The following CATSPERG variants were observed in gnomAD, a reference collection of about 807,000 sequenced individuals.
CATSPERG encodes the protein cation channel sperm-associated auxiliary subunit gamma.
In CATSPERG, 115 loss-of-function variants were observed where a neutral mutation model predicts 145.0. The ratio of observed to expected loss-of-function variants is 0.79; its 90% CI spans 0.68 to 0.93. The LOEUF is 0.93. CATSPERG is among the 40% of genes least tolerant of loss of function. The pLI is 0.00. For missense variants in CATSPERG, 1,296 were observed against 1,490.1 expected, an observed-to-expected ratio of 0.87 and a Z score of 2.14; for synonymous variants, 588 against 589.0, an observed-to-expected ratio of 1.00 and a Z score of 0.02.
intron 8 of CATSPERG, 140 bp downstream of exon 8, chr19:38,352,572 C>T (rs1370087843): frequency 4.5e-5 from 35 of 780,600 alleles, no homozygotes; most frequent in Admixed American, 3.5e-4. Context: ...CCCTTGCCCA[C>T]CCCGAATGGG....
chr19:38,361,625 C>T (rs1220733913), intron 16 of CATSPERG, 23 bp from the exon 17 acceptor site: 18 of 1,595,230 alleles, frequency 1.1e-5, no homozygotes, highest in Non-Finnish European at 1.5e-5. Context: ...AGCCAGCAGC[C>T]TTTCCCCCTT....
At chr19:38,338,794 A>T (rs1034163720) in intron 3 of CATSPERG, among the ~76,000 whole-genome samples, 44 of 152,036 alleles carry the variant, frequency 2.9e-4, no homozygotes. Flanking sequence ...TAATGAGCCT[A>T]GGAGGTTGAG....
rs777596972 is a variant in CATSPERG, at chr19:38,360,718, CTT to C, written c.1768-12_1768-11del. Reference sequence around the variant, plus strand: ...CTGACCCCAGCTCACCTGGCCCTGCCTTCCCCCTGCAGCTGGTGTACCTTATG... The same window carrying C: ...CTGACCCCAGCTCACCTGGCCCTGCCCCCCCTGCAGCTGGTGTACCTTATG... On this transcript the variant is annotated splice_polypyrimidine_tract_variant and intron_variant, in intron 15 of 28. Coordinates refer to ENST00000409235, the MANE Select transcript of CATSPERG (RefSeq NM_021185.5). 2 of 1,614,020 alleles carry C rather than the reference CTT, an allele frequency of 1.2e-6. No individual in the cohort carries two copies. Among genetic ancestry groups the C allele is most frequent in the Non-Finnish European group, 1.7e-6 (2 of 1,179,964 alleles).
intron 8 of CATSPERG, among the ~76,000 whole-genome samples, chr19:38,353,986 G>GCCA: frequency 1.1e-5 from 1 of 89,620 alleles, no homozygotes; most frequent in East Asian, 4.2e-4. Flanking sequence ...GTAAGACTCT[G>GCCA]TCTCAAAAAA....
In CATSPERG at chr19:38,356,804, G is replaced by A; in HGVS notation, c.1258G>A (p.Val420Met). 6.2e-7 allele frequency: 1 copy of A among 1,614,094 alleles called. No homozygotes were observed. The highest frequency in any genetic ancestry group is 1.1e-5 in the South Asian group (1 of 91,084). The part of the protein sequence containing the change: ...IAGEYTLLLL[V>M]ESGYGNASKR... ...GGGTGAGTATACTCTACTGCTGCTG[G>A]TGGAGAGTGGATATGGTAATGCAAG... is the stretch of plus-strand genomic sequence containing the variant. The change falls in exon 11 of 29, where the codon GTG becomes ATG. Residue 420 changes from valine (V) to methionine (M), a missense_variant. By Grantham distance (21) the Val-to-Met change is conservative. Coordinates refer to ENST00000409235, the MANE Select transcript of CATSPERG (RefSeq NM_021185.5).
chr19:38,354,964 T>A, intron 9 of CATSPERG, 117 bp downstream of exon 9: 1 of 1,192,220 alleles, frequency 8.4e-7, no homozygotes. Flanking sequence ...GCCCCTAGGC[T>A]GAGGGTGATG....
At chr19:38,370,441 C>G in intron 28 of CATSPERG, 85 bp from the exon 29 acceptor site, 1 of 1,567,930 alleles carries the variant, frequency 6.4e-7, no homozygotes, top group Non-Finnish European at 8.7e-7. Context: ...CTCCATCTGT[C>G]AATTTCCCTG....
chr19:38,364,334 C>T (rs377378174), intron 20 of CATSPERG, among the ~76,000 whole-genome samples: 5 of 151,906 alleles, frequency 3.3e-5, no homozygotes, highest in African/African-American at 1.2e-4. Flanking sequence ...GGGTCGCGAC[C>T]GGACAGAGGC....
chr19:38,354,806 C>T lies in CATSPERG; in HGVS notation c.1094C>T (p.Thr365Met), dbSNP rs868353410. The stretch of plus-strand genomic sequence containing the variant: ...TCTGAGTACATAATGGCCCTCACCA[C>T]GGGCAAGCATGAGGGTTATGTACAC... Reference protein sequence around the residue: ...NGSEYIMALTTGKHEGYVHFG... With the variant: ...NGSEYIMALTMGKHEGYVHFG... Residue 365 changes from threonine to methionine, a missense_variant, in exon 9 of 29, where the codon ACG (threonine) becomes ATG (methionine). Coordinates refer to ENST00000409235, the MANE Select transcript of CATSPERG (RefSeq NM_021185.5). The T allele has an allele frequency of 1.6e-5, 26 of 1,614,016 alleles. No individual in the cohort carries two copies. Among genetic ancestry groups the T allele is most frequent in the African/African-American group, 8.0e-5 (6 of 74,922 alleles).
intron 8 of CATSPERG, among the ~76,000 whole-genome samples, chr19:38,354,280 G>T (rs1970205489): frequency 6.6e-6 from 1 of 152,178 alleles, no homozygotes; most frequent in African/African-American, 2.4e-5. Flanking sequence ...TTCAGGAAAG[G>T]CTGCACCATG....
chr19:38,347,225 A>G (rs1431511336), intron 7 of CATSPERG, among the ~76,000 whole-genome samples: 2 of 151,874 alleles, frequency 1.3e-5, no homozygotes, highest in Non-Finnish European at 2.9e-5. Context: ...ACAAACAAAC[A>G]AAAAAAACTG....
At chr19:38,360,025 G>A (rs980257690) in intron 14 of CATSPERG, 3 of 985,204 alleles carry the variant, frequency 3.0e-6, no homozygotes, top group Non-Finnish European at 3.6e-6. Context: ...GGCTGGAGGG[G>A]ATCCCCCAGG....
In CATSPERG at chr19:38,370,207, G is replaced by A. The variant is rs759491874; in HGVS notation, c.3162G>A (p.Leu1054=). 1 of 1,613,678 alleles carries A rather than the reference G, an allele frequency of 6.2e-7. No homozygotes were observed. Among genetic ancestry groups the A allele is most frequent in the Admixed American group, 1.7e-5 (1 of 60,000 alleles). Residue 1054 remains leucine, a synonymous_variant, in exon 28 of 29, where the codon CTG becomes CTA. Transcript: ENST00000409235. The part of the protein sequence containing the change: ...TYCNYQLTFL[L]HIHGLPLSPK... ...GCAACTACCAGCTCACCTTCCTGCT[G>A]CACATCCACGGGCTGCCACTCAGTC... is the stretch of plus-strand genomic sequence containing the variant.
intron 7 of CATSPERG, 141 bp from the exon 8 acceptor site, chr19:38,352,120 G>A (rs1335162316): frequency 2.1e-5 from 16 of 765,912 alleles, no homozygotes; most frequent in South Asian, 3.5e-5. Context: ...GTGCTGCTGC[G>A]GGGTGAGCAG....
intron 8 of CATSPERG, among the ~76,000 whole-genome samples, chr19:38,353,012 A>G (rs1474895305): frequency 7.2e-6 from 1 of 139,056 alleles, no homozygotes; most frequent in Non-Finnish European, 1.5e-5. Context: ...TGGGCGACAG[A>G]GCAAGACCCT....
At chr19:38,357,989 G>A in intron 11 of CATSPERG, 1 of 359,870 alleles carries the variant, frequency 2.8e-6, no homozygotes, top group East Asian at 5.2e-5. Flanking sequence ...GTGGTGGTGT[G>A]CGCCTATAAT....
chr19:38,341,670 G>A (rs756470248), intron 3 of CATSPERG, among the ~76,000 whole-genome samples: 12 of 152,094 alleles, frequency 7.9e-5, no homozygotes, highest in Admixed American at 2.0e-4. Context: ...GGGAGGCCAG[G>A]GCAGGTGGAT....
chr19:38,344,703 T>C (rs565540309), intron 6 of CATSPERG, among the ~76,000 whole-genome samples: 1 of 148,104 alleles, frequency 6.8e-6, no homozygotes, highest in African/African-American at 2.5e-5. Context: ...TGTACATACA[T>C]ATATAGTACA....
At chr19:38,357,280 C>T (rs1970260226) in intron 11 of CATSPERG, among the ~76,000 whole-genome samples, 1 of 150,244 alleles carries the variant, frequency 6.7e-6, no homozygotes, top group South Asian at 2.1e-4. Flanking sequence ...GAGGCCAAGG[C>T]CAGAGGATCC....
Sources: allele counts gnomAD v4.1 joint callset (sites outside exome capture counted in the v4.1 genomes callset), GRCh38; gene constraint gnomAD v4.1.1; transcripts MANE v1.5; gene names NCBI Gene and HGNC (gene_info 2026-07-23, HGNC 2026-07-21).